INO80: variants seen among roughly 807,000 people sequenced by gnomAD.
INO80 encodes INO80 complex ATPase subunit.
A neutral mutation model predicts 203.4 loss-of-function variants in INO80; 20 were observed. The observed-to-expected ratio is 0.10, with a 90% CI of 0.07 to 0.14. The LOEUF (loss-of-function observed/expected upper bound fraction) is 0.14. INO80 is among the 10% of genes least tolerant of loss of function. The pLI is 1.00. For synonymous variants in INO80, 726 were observed against 685.2 expected (o/e 1.06, Z -0.93); for missense variants, 1,419 against 1,914.4 (o/e 0.74, Z 4.83).
chr15:41,103,331 CT>C (rs771997835), intron 1 of INO80, among the ~76,000 whole-genome samples: 16 of 152,276 alleles, frequency 1.1e-4, no homozygotes, highest in African/African-American at 3.8e-4. Context: ...CCTCCAGGTT[CT>C]TCTCACTCTA....
chr15:41,104,480 A>G (rs989423439), intron 1 of INO80, among the ~76,000 whole-genome samples: 103 of 152,184 alleles, frequency 6.8e-4, no homozygotes, highest in African/African-American at 2.4e-3. Flanking sequence ...AGCTGTGTTC[A>G]TGAGTAATCC....
chr15:41,021,681 A>G (rs2044297095), intron 25 of INO80, among the ~76,000 whole-genome samples: 1 of 152,192 alleles, frequency 6.6e-6, no homozygotes, highest in South Asian at 2.1e-4. Flanking sequence ...ACTTTCTTTC[A>G]GGCCATAAAC....
At chr15:41,041,055 A>AG (rs1179682202) in intron 24 of INO80, among the ~76,000 whole-genome samples, 3 of 152,194 alleles carry the variant, frequency 2.0e-5, no homozygotes, top group Admixed American at 2.0e-4. Flanking sequence ...ATGAAGAGAC[A>AG]GACAATGCCA....
In INO80 at chr15:40,997,823, T is replaced by C. The variant is rs1468245751; in HGVS notation, c.3498-222A>G. On this transcript the variant is annotated intron_variant, in intron 28 of 35. Transcript: ENST00000648947. ...TTCCAATTTGCAGATAAACTTTTGCTGCCCACTAATAGATGACTGATAGGC... is the reference window on the plus strand; with the variant it reads ...TTCCAATTTGCAGATAAACTTTTGCCGCCCACTAATAGATGACTGATAGGC... 8 of 416,936 alleles carry C rather than the reference T, an allele frequency of 1.9e-5. No homozygotes were observed. The Admixed American group carries it at 2.9e-4, about 15-fold the overall frequency. 25.8% of individuals were successfully genotyped at this position (416,936 alleles called of 1,614,324 possible). A position where few individuals can be genotyped will look rare whatever the true frequency, so the allele number is the denominator to read the frequency against.
intron 25 of INO80, among the ~76,000 whole-genome samples, chr15:41,025,465 A>G (rs1365045240): frequency 6.6e-6 from 1 of 152,094 alleles, no homozygotes; most frequent in Non-Finnish European, 1.5e-5. Flanking sequence ...CTGTAATCCC[A>G]GCACTTTGGG....
intron 29 of INO80, among the ~76,000 whole-genome samples, chr15:40,989,556 C>G (rs976336962): frequency 6.6e-6 from 1 of 152,208 alleles, no homozygotes; most frequent in African/African-American, 2.4e-5. Context: ...CCATTCTAGA[C>G]CAGGCCCTCA....
intron 28 of INO80, among the ~76,000 whole-genome samples, chr15:41,003,381 A>G (rs1175428796): frequency 1.5e-4 from 18 of 118,104 alleles, no homozygotes; most frequent in African/African-American, 5.5e-4. Flanking sequence ...CCCAGGCTGG[A>G]GTGGAGTGGT....
intron 14 of INO80, among the ~76,000 whole-genome samples, chr15:41,068,323 C>T (rs879872277): frequency 1.3e-5 from 2 of 152,066 alleles, no homozygotes; most frequent in Non-Finnish European, 2.9e-5. Flanking sequence ...AGGAGGCTGA[C>T]ATGGGTGGAT....
At position 41,114,072 on chromosome 15, in the gene INO80, G is replaced by A. The variant is rs537747364; in HGVS notation, c.-44+1901C>T. ...TCACGAGGTCAGGGGCTCGAGACCA[G>A]CCTGACCAACATGGTGAAACCCCGT... is the stretch of plus-strand genomic sequence containing the variant. On this transcript the variant is annotated intron_variant, in intron 1 of 35. Transcript: ENST00000648947. 2.0e-5 allele frequency among the ~76,000 whole-genome samples: 3 copies of A among 152,150 alleles called. No individual in the cohort carries two copies. The South Asian group carries it at 6.2e-4, about 32-fold the overall frequency.
intron 27 of INO80, chr15:41,011,480 A>T (rs1273585913): frequency 6.6e-6 from 1 of 152,230 alleles, no homozygotes. Context: ...AAAAGAATTT[A>T]AAAAAGCTTA....
At chr15:40,992,894 G>A (rs2043834354) in intron 29 of INO80, among the ~76,000 whole-genome samples, 1 of 152,160 alleles carries the variant, frequency 6.6e-6, no homozygotes, top group Non-Finnish European at 1.5e-5. Flanking sequence ...CTGGGCCCAA[G>A]CAAACCTCCC....
chr15:41,051,511 A>G (rs563852084), intron 19 of INO80, among the ~76,000 whole-genome samples: 1 of 151,276 alleles, frequency 6.6e-6, no homozygotes, highest in Non-Finnish European at 1.5e-5. Flanking sequence ...ATGTAGCACT[A>G]AACAACAATC....
At chr15:41,013,071 C>CACAACAACAACAACAACA (rs775607165) in intron 27 of INO80, 1 of 44,742 alleles carries the variant, frequency 2.2e-5, no homozygotes, top group South Asian at 1.1e-3. Flanking sequence ...GGCTAAGGCA[C>CACAACAACAACAACAACA]ATAACAACAA....
chr15:41,084,781 A>C (rs1310406804), intron 7 of INO80, among the ~76,000 whole-genome samples: 2 of 152,210 alleles, frequency 1.3e-5, no homozygotes, highest in Non-Finnish European at 1.5e-5. Flanking sequence ...ATTCTGTTAC[A>C]CAAGCTAGAG....
chr15:41,090,538 T>G (rs915546317), intron 5 of INO80, among the ~76,000 whole-genome samples: 1 of 152,030 alleles, frequency 6.6e-6, no homozygotes, highest in Non-Finnish European at 1.5e-5. Context: ...ATCGCGCCAC[T>G]GCACTCCAGC....
At chr15:41,100,191 C>T (rs750457972) in intron 1 of INO80, among the ~76,000 whole-genome samples, 1 of 152,108 alleles carries the variant, frequency 6.6e-6, no homozygotes, top group African/African-American at 2.4e-5. Flanking sequence ...TCTCCTGCCT[C>T]AGCCTCCCGA....
chr15:41,054,155 T>C, intron 18 of INO80, 141 bp from the exon 19 acceptor site: 1 of 625,648 alleles, frequency 1.6e-6, no homozygotes, highest in Non-Finnish European at 2.7e-6. Context: ...TGAAACTTTT[T>C]CCCAAGTAGG....
intron 14 of INO80, among the ~76,000 whole-genome samples, chr15:41,062,474 A>C (rs575133844): frequency 6.6e-6 from 1 of 152,178 alleles, no homozygotes; most frequent in Non-Finnish European, 1.5e-5. Context: ...CAGAGGTTGC[A>C]GTGAGTGGAG....
intron 22 of INO80, 52 bp downstream of exon 22, chr15:41,048,158 AGC>A: frequency 7.4e-7 from 1 of 1,348,720 alleles, no homozygotes; most frequent in Non-Finnish European, 1.1e-6. Flanking sequence ...CAAAACAAAG[AGC>A]ATCCTGGTAA....
Sources: gnomAD v4.1 joint callset for allele counts (sites outside exome capture counted in the v4.1 genomes callset) on GRCh38, gnomAD v4.1.1 for gene constraint, MANE v1.5 for transcripts, NCBI Gene and HGNC (gene_info 2026-07-23, HGNC 2026-07-21) for gene names.